Variants in ARHGAP23 observed in about 807,000 individuals in gnomAD.
The protein encoded by ARHGAP23 is rho GTPase-activating protein 23.
A neutral mutation model predicts 136.3 loss-of-function variants in ARHGAP23; 34 were observed. That is an observed-to-expected ratio of 0.25 (90% CI 0.19 to 0.33). The LOEUF (loss-of-function observed/expected upper bound fraction) is 0.33, where lower values mean the gene tolerates loss of function less well. ARHGAP23 is among the 10% of genes least tolerant of loss of function. The probability of loss-of-function intolerance (pLI) is 1.00; values close to 1 mark genes in which losing one functional copy is unlikely to be tolerated. For missense variants in ARHGAP23, 1,808 were observed against 2,139.0 expected (o/e 0.85, Z 3.05); for synonymous variants, 832 against 920.5 (o/e 0.90, Z 1.74).
upstream of ARHGAP23, among the ~76,000 whole-genome samples, chr17:38,425,751 G>A (rs1294828467): frequency 2.0e-5 from 3 of 152,120 alleles, no homozygotes; most frequent in African/African-American, 7.2e-5. Flanking sequence ...CCAGAGTGTC[G>A]AGAGAGGAAG....
At chr17:38,474,951 G>A (rs1174059138) in intron 11 of ARHGAP23, among the ~76,000 whole-genome samples, 1 of 152,132 alleles carries the variant, frequency 6.6e-6, no homozygotes, top group Admixed American at 6.5e-5. Flanking sequence ...TCCCCCTGCC[G>A]GGGAGCCTGA....
At chr17:38,486,901 C>T (rs957529238) in intron 17 of ARHGAP23, among the ~76,000 whole-genome samples, 2 of 152,200 alleles carry the variant, frequency 1.3e-5, no homozygotes, top group Non-Finnish European at 2.9e-5. Flanking sequence ...TCTCTCCTGG[C>T]CCTCTTATAT....
chr17:38,437,680 T>C (rs538195605), intron 1 of ARHGAP23, among the ~76,000 whole-genome samples: 30 of 150,606 alleles, frequency 2.0e-4, no homozygotes, highest in Non-Finnish European at 4.1e-4. Context: ...GTCATTGTGG[T>C]GACTGCTGTA....
chr17:38,426,791 C>T (rs981106714), upstream of ARHGAP23, among the ~76,000 whole-genome samples: 27 of 152,286 alleles, frequency 1.8e-4, no homozygotes, highest in African/African-American at 6.5e-4. Context: ...CAGTCAGTAT[C>T]TCATTCCTCA....
At chr17:38,478,004 G>C (rs1368419937) in intron 12 of ARHGAP23, 108 bp downstream of exon 12, 4 of 1,209,568 alleles carry the variant, frequency 3.3e-6, no homozygotes, top group African/African-American at 1.5e-5. Flanking sequence ...TGCTAGAAAG[G>C]GGGGCTGACA....
intron 1 of ARHGAP23, among the ~76,000 whole-genome samples, chr17:38,443,738 G>A (rs1455829631): frequency 1.3e-5 from 2 of 152,178 alleles, no homozygotes; most frequent in Admixed American, 6.5e-5. Context: ...TCTCCCTGAA[G>A]GGAGCCCCAT....
At chr17:38,497,739 T>G in intron 20 of ARHGAP23, 46 bp from the exon 21 acceptor site, 1 of 1,539,558 alleles carries the variant, frequency 6.5e-7, no homozygotes, top group East Asian at 2.4e-5. Flanking sequence ...GAAGAGACTC[T>G]TCTTTCCCAT....
intron 1 of ARHGAP23, among the ~76,000 whole-genome samples, chr17:38,447,765 G>T (rs956987787): frequency 5.3e-5 from 8 of 152,144 alleles, no homozygotes; most frequent in Non-Finnish European, 1.5e-5. Context: ...AGACCCCAGA[G>T]ACAGCCAAGG....
rs752560672 is a variant in ARHGAP23, at chr17:38,467,109, C to T, written c.1426C>T (p.Arg476Trp). The T allele has an allele frequency of 8.3e-5, 128 of 1,550,292 alleles. No individual in the cohort carries two copies. The highest frequency in any genetic ancestry group is 2.2e-4 in the Admixed American group (11 of 50,976). ...PRVVRPEPST[R>W]ALEPPAEDRG... Reference sequence around the variant, plus strand: ...GGTTGTACGGCCGGAACCCAGCACCCGGGCCCTGGAGCCTCCTGCGGAGGA... The same window carrying T: ...GGTTGTACGGCCGGAACCCAGCACCTGGGCCCTGGAGCCTCCTGCGGAGGA... The change falls in exon 7 of 24, where the codon CGG becomes TGG. Residue 476 changes from arginine (R) to tryptophan (W), a missense_variant. This residue lies in a region of ARHGAP23 where 859 missense variants were observed against 936.4 expected (regional missense o/e 0.92). Transcript: ENST00000622683.
Position 38,490,479 on chromosome 17 carries a change from A to G in ARHGAP23, c.3078A>G (p.Gly1026=). ...TLRKLIRDLP[G]HYYETLKFLV... ...CTGCTCAGATCCGGGATCTCCCAGG[A>G]CACTACTATGAAACGCTCAAATTCC... The change falls in exon 19 of 24, where the codon GGA becomes GGG. Residue 1026 remains glycine, a synonymous_variant. Transcript: ENST00000622683. 1 of 1,549,216 alleles carries G rather than the reference A, an allele frequency of 6.5e-7. No individual in the cohort carries two copies. The highest frequency in any genetic ancestry group is 8.7e-7 in the Non-Finnish European group (1 of 1,146,514).
At position 38,479,780 on chromosome 17, in the gene ARHGAP23, C is replaced by T. The variant is rs2039987470; in HGVS notation, c.2526C>T (p.Ser842=). 2.0e-6 allele frequency: 3 copies of T among 1,499,024 alleles called. No individual in the cohort carries two copies. Among genetic ancestry groups the T allele is most frequent in the East Asian group, 2.5e-5 (1 of 40,344 alleles). 92.9% of individuals were successfully genotyped at this position (1,499,024 alleles called of 1,614,324 possible). A position where few individuals can be genotyped will look rare whatever the true frequency, so the allele number is the denominator to read the frequency against. The change falls in exon 14 of 24, where the codon TCC becomes TCT. Residue 842 remains serine, a synonymous_variant. Coordinates refer to ENST00000622683, the MANE Select transcript of ARHGAP23 (RefSeq NM_001199417.2). ...ATAGCTCTGGGCCCAAAGCTGATTC[C>T]TCCCCCAAAGGCTCTCGCGGCCTGG... ...VSHSSGPKAD[S]SPKGSRGLGG...
At chr17:38,490,299 CAG>C in intron 18 of ARHGAP23, 124 bp downstream of exon 18, 1 of 1,159,602 alleles carries the variant, frequency 8.6e-7, no homozygotes, top group South Asian at 1.3e-5. Context: ...CCGCTCCACT[CAG>C]GGCCTCAGTT....
chr17:38,466,752 C>T lies in ARHGAP23; in HGVS notation c.1069C>T (p.Arg357Trp), dbSNP rs557284890. The change falls in exon 7 of 24, where the codon CGG becomes TGG. Residue 357 changes from arginine (R) to tryptophan (W), a missense_variant. Physicochemically the swap from Arg to Trp is moderately radical, Grantham distance 101 (BLOSUM62 -3). Around this residue, in one of 7 missense-constraint regions of ARHGAP23, gnomAD observed 859 missense variants for 936.4 expected, o/e 0.92. Transcript: ENST00000622683. Reference protein sequence around the residue: ...HRARSDDYLSRATRSAEALGP... With the variant: ...HRARSDDYLSWATRSAEALGP... ...AGCTCGCTCAGATGACTACTTGAGC[C>T]GGGCCACCCGTTCTGCCGAGGCACT... The T allele has an allele frequency of 3.9e-5, 61 of 1,548,076 alleles. No homozygotes were observed. The highest frequency in any genetic ancestry group is 2.9e-4 in the South Asian group (24 of 83,910).
intron 1 of ARHGAP23, among the ~76,000 whole-genome samples, chr17:38,438,195 C>T (rs1391025144): frequency 1.3e-5 from 2 of 152,014 alleles, no homozygotes; most frequent in Non-Finnish European, 2.9e-5. Flanking sequence ...GTGGCATGCG[C>T]CTTTAGTCCC....
intron 23 of ARHGAP23, chr17:38,500,863 G>A (rs1408787234): frequency 2.8e-5 from 16 of 569,414 alleles, no homozygotes; most frequent in Admixed American, 1.9e-4. Context: ...TATGTGGCTA[G>A]GAGGCAATGT....
At chr17:38,502,199 A>G (rs58022188) in intron 23 of ARHGAP23, among the ~76,000 whole-genome samples, 2 of 152,030 alleles carry the variant, frequency 1.3e-5, no homozygotes, top group Non-Finnish European at 2.9e-5. Flanking sequence ...CCAGCTACTC[A>G]GGAGGCTGAG....
At chr17:38,497,223 C>A (rs1269936425) in intron 20 of ARHGAP23, among the ~76,000 whole-genome samples, 1 of 152,146 alleles carries the variant, frequency 6.6e-6, no homozygotes, top group Non-Finnish European at 1.5e-5. Context: ...TCTTGTTTGG[C>A]CTTTATGAGA....
rs117755618 is a variant in ARHGAP23, at chr17:38,451,801, T to A, written c.64-6301T>A. ...GTCACAGGGCAGGTCAGGGCAGGAG[T>A]GGTCCCAACACCGAATCCTTAGTTT... On this transcript the variant is annotated intron_variant, in intron 1 of 23. Transcript: ENST00000622683. 325 of 152,160 alleles carry A rather than the reference T, an allele frequency of 2.1e-3. 2 individuals carry two copies. The highest frequency in any genetic ancestry group is 3.2e-3 in the Non-Finnish European group (220 of 68,236). The allele number at this position is 152,160 out of a possible 1,614,324, so 9.4% of individuals were successfully genotyped here. A position where few individuals can be genotyped will look rare whatever the true frequency, so the allele number is the denominator to read the frequency against.
chr17:38,484,931 G>A (rs186687595), intron 16 of ARHGAP23, among the ~76,000 whole-genome samples: 2 of 152,234 alleles, frequency 1.3e-5, no homozygotes, highest in Non-Finnish European at 2.9e-5. Context: ...ATGAGTGTGT[G>A]TACTGCTGTA....
Sources: gnomAD v4.1 joint callset for allele counts (sites outside exome capture counted in the v4.1 genomes callset) on GRCh38, gnomAD v4.1.1 for gene constraint, gnomAD v4.1.1 regional missense constraint, MANE v1.5 for transcripts, NCBI Gene and HGNC (gene_info 2026-07-23, HGNC 2026-07-21) for gene names.